Variants in ZSCAN31 observed in about 807,000 individuals in gnomAD.
ZSCAN31 encodes the protein zinc finger and SCAN domain containing 31.
In ZSCAN31, 14 loss-of-function variants were observed where a neutral mutation model predicts 22.5. That is an observed-to-expected ratio of 0.62 (90% confidence interval 0.41 to 0.97). The LOEUF (loss-of-function observed/expected upper bound fraction) is 0.97. Among genes scored for constraint, ZSCAN31 ranks in the 50% least tolerant of loss-of-function variants. The pLI, the probability that ZSCAN31 is intolerant of heterozygous loss-of-function variation, is 0.00. For synonymous variants in ZSCAN31, 168 were observed against 169.8 expected, an observed-to-expected ratio of 0.99 and a Z score of 0.08; for missense variants, 424 against 483.4, an observed-to-expected ratio of 0.88 and a Z score of 1.15.
chr6:28,342,575 C>A (rs1764456415), intron 2 of ZSCAN31, among the ~76,000 whole-genome samples: 1 of 152,116 alleles, frequency 6.6e-6, no homozygotes, highest in Admixed American at 6.5e-5. Context: ...AGAATTGGAT[C>A]CTAAGAGAGC....
chr6:28,347,764 GCCAA>G lies in ZSCAN31; in HGVS notation c.-370-5976_-370-5973del, dbSNP rs1362503880. On this transcript the variant is annotated intron_variant, in intron 2 of 7. Coordinates refer to the ZSCAN31 transcript ENST00000396838. The surrounding 1 kb of genome is among the most constrained non-coding windows in gnomAD (Gnocchi z 5.2). Reference sequence around the variant, plus strand: ...AGGGTAAGTACTTTGAAGCTGCTGGGCCAATGTGTGTATCATTTTCAGGTTTACC... The same window carrying G: ...AGGGTAAGTACTTTGAAGCTGCTGGGTGTGTGTATCATTTTCAGGTTTACC... Among the ~76,000 whole-genome samples, 2 of 138,452 alleles carry G rather than the reference GCCAA, an allele frequency of 1.4e-5. No individual in the cohort carries two copies. Among genetic ancestry groups the G allele is most frequent in the African/African-American group, 3.0e-5 (1 of 33,682 alleles). The allele number at this position is 138,452 out of a possible 152,430, so 90.8% of individuals were successfully genotyped here. A position where few individuals can be genotyped will look rare whatever the true frequency, so the allele number is the denominator to read the frequency against.
intron 2 of ZSCAN31, among the ~76,000 whole-genome samples, chr6:28,345,436 T>C (rs1470118297): frequency 2.0e-5 from 3 of 152,192 alleles, no homozygotes; most frequent in African/African-American, 7.2e-5. Flanking sequence ...ATGGAGGCTA[T>C]CTATGCCTAA....
rs1245950591 is a variant in ZSCAN31, at chr6:28,325,417, CAT to C, written c.*747_*748del. The C allele has an allele frequency of 6.6e-6, 1 of 152,132 alleles. No individual in the cohort carries two copies. Among genetic ancestry groups the C allele is most frequent in the South Asian group, 2.1e-4 (1 of 4,830 alleles). 9.4% of individuals were successfully genotyped at this position (152,132 alleles called of 1,614,324 possible). A position where few individuals can be genotyped will look rare whatever the true frequency, so the allele number is the denominator to read the frequency against. On this transcript the variant is annotated 3_prime_UTR_variant, in exon 4 of 4. Transcript: ENST00000344279. ...TTGAGAATTTGATATGAATCATCAA[CAT>C]AGTTATGTTGATATGTATATACTAT...
At chr6:28,343,531 T>C (rs7760347) in intron 2 of ZSCAN31, among the ~76,000 whole-genome samples, 278 of 147,368 alleles carry the variant, frequency 1.9e-3, no homozygotes, top group African/African-American at 6.4e-3. Context: ...CTTTTCTTTT[T>C]TTTTTTCTTT....
intron 2 of ZSCAN31, chr6:28,350,436 A>C (rs1199348335): frequency 6.6e-6 from 1 of 152,252 alleles, no homozygotes. Flanking sequence ...GCCAAGAGCC[A>C]GAACGTTGGA....
At chr6:28,338,556 C>T (rs985426779), upstream of ZSCAN31, among the ~76,000 whole-genome samples, 1 of 152,088 alleles carries the variant, frequency 6.6e-6, no homozygotes, top group Non-Finnish European at 1.5e-5. Context: ...CTCCTGTGCT[C>T]AAGCAATCCT....
rs1763232078 is a variant in ZSCAN31, at chr6:28,326,072, A to G, written c.*94T>C. 1.6e-6 allele frequency: 2 copies of G among 1,212,632 alleles called. No homozygotes were observed. The highest frequency in any genetic ancestry group is 2.2e-5 in the Admixed American group (1 of 44,544). The allele number at this position is 1,212,632 out of a possible 1,614,324, so 75.1% of individuals were successfully genotyped here. The stretch of plus-strand genomic sequence containing the variant: ...GCCCCATTTAGGGGTCTGAGGGTCC[A>G]CAGAATTAGTCCAGTTCTGCTGGAA... On this transcript the variant is annotated 3_prime_UTR_variant, in exon 4 of 4. Coordinates refer to ENST00000344279, the MANE Select transcript of ZSCAN31 (RefSeq NM_030899.5).
intron 2 of ZSCAN31, among the ~76,000 whole-genome samples, chr6:28,328,405 C>T (rs1449351504): frequency 6.6e-6 from 1 of 152,240 alleles, no homozygotes; most frequent in African/African-American, 2.4e-5. Flanking sequence ...CCCAGGCGCA[C>T]ATTCTCTTTC....
upstream of ZSCAN31, among the ~76,000 whole-genome samples, chr6:28,355,041 TAGC>T (rs1437423419): frequency 6.6e-6 from 1 of 152,196 alleles, no homozygotes; most frequent in Non-Finnish European, 1.5e-5. Flanking sequence ...GCAGTCCAGG[TAGC>T]AGTAGCACCC....
At chr6:28,338,528 G>A (rs1265178271), upstream of ZSCAN31, among the ~76,000 whole-genome samples, 1 of 152,080 alleles carries the variant, frequency 6.6e-6, no homozygotes, top group Non-Finnish European at 1.5e-5. Flanking sequence ...GGAGTGGTGT[G>A]ATCACTGCAA....
chr6:28,334,636 TG>T (rs1764002868), intron 1 of ZSCAN31, among the ~76,000 whole-genome samples: 1 of 152,122 alleles, frequency 6.6e-6, no homozygotes, highest in Non-Finnish European at 1.5e-5. Context: ...ACAGGAAGAC[TG>T]GAAGAGCCTC....
At chr6:28,354,415 G>A (rs1356771062), upstream of ZSCAN31, among the ~76,000 whole-genome samples, 1 of 152,158 alleles carries the variant, frequency 6.6e-6, no homozygotes, top group East Asian at 1.9e-4. Context: ...CTTGGCCGAG[G>A]GAGACATAGG....
chr6:28,332,847 C>T (rs565256139), intron 1 of ZSCAN31, among the ~76,000 whole-genome samples: 140 of 152,260 alleles, frequency 9.2e-4, no homozygotes, highest in African/African-American at 3.2e-3. Flanking sequence ...AGCTCAAAAG[C>T]AACATTAAAG....
Position 28,324,814 on chromosome 6 carries a change from GAA to G in ZSCAN31, c.*1350_*1351del, listed in dbSNP as rs2113771111. On this transcript the variant is annotated 3_prime_UTR_variant, in exon 4 of 4. Transcript: ENST00000344279. The surrounding 1 kb of genome is among the most constrained non-coding windows in gnomAD (Gnocchi z 4.8). ...TTCTGATTCAGGTTTTGACTGTGGA[GAA>G]AAGAGTAACAAGAATGTCAGCAGAG... 1 of 152,300 alleles carries G rather than the reference GAA, an allele frequency of 6.6e-6. No homozygotes were observed. Among genetic ancestry groups the G allele is most frequent in the African/African-American group, 2.4e-5 (1 of 41,556 alleles). The allele number at this position is 152,300 out of a possible 1,614,324, so 9.4% of individuals were successfully genotyped here.
At chr6:28,337,146 A>C (rs1764216347), upstream of ZSCAN31, among the ~76,000 whole-genome samples, 1 of 152,242 alleles carries the variant, frequency 6.6e-6, no homozygotes, top group South Asian at 2.1e-4. Context: ...AAGACTCAGC[A>C]GGAATCTGCC....
upstream of ZSCAN31, among the ~76,000 whole-genome samples, chr6:28,337,477 G>A (rs1764236155): frequency 6.6e-6 from 1 of 151,992 alleles, no homozygotes; most frequent in African/African-American, 2.4e-5. Context: ...AGAGAGTGAG[G>A]GCCTGAATCA....
intron 1 of ZSCAN31, among the ~76,000 whole-genome samples, chr6:28,332,912 C>A (rs1315655640): frequency 6.6e-6 from 1 of 152,106 alleles, no homozygotes; most frequent in Non-Finnish European, 1.5e-5. Context: ...GATTAATTAC[C>A]AAATTGACTC....
chr6:28,329,377 G>A lies in ZSCAN31; in HGVS notation c.307C>T (p.His103Tyr). The A allele has an allele frequency of 6.2e-7, 1 of 1,613,924 alleles. No homozygotes were observed. The highest frequency in any genetic ancestry group is 1.3e-5 in the African/African-American group (1 of 75,030). The part of the protein sequence containing the change: ...EELQAWVREH[H>Y]PESGEEAVAV... ...ACAGCCTCCTCCCCACTCTCCGGAT[G>A]GTGCTCCCGCACCCAGGCCTGGAGC... The change falls in exon 2 of 4, where the codon CAT becomes TAT. Residue 103 changes from histidine (H) to tyrosine (Y), a missense_variant. Coordinates refer to ENST00000344279, the MANE Select transcript of ZSCAN31 (RefSeq NM_030899.5).
In ZSCAN31 at chr6:28,333,048, T is replaced by C. The variant is rs991189501; in HGVS notation, c.-96+3034A>G. 6.6e-6 allele frequency among the ~76,000 whole-genome samples: 1 copy of C among 152,192 alleles called. No individual in the cohort carries two copies. Among genetic ancestry groups the C allele is most frequent in the Non-Finnish European group, 1.5e-5 (1 of 68,032 alleles). ...AACACAGAGTAGTTAGTGGAGTTGA[T>C]GACTTGACTGCAGAAACAGTCAAAG... On this transcript the variant is annotated intron_variant, in intron 1 of 3. Coordinates refer to ENST00000344279, the MANE Select transcript of ZSCAN31 (RefSeq NM_030899.5). The surrounding 1 kb of genome is among the most constrained non-coding windows in gnomAD (Gnocchi z 4.1).
Sources: allele counts gnomAD v4.1 joint callset (sites outside exome capture counted in the v4.1 genomes callset), GRCh38; gene constraint gnomAD v4.1.1; non-coding constraint Gnocchi (gnomAD v3.1); transcripts MANE v1.5; gene names NCBI Gene and HGNC (gene_info 2026-07-23, HGNC 2026-07-21).